The following CAMK1D variants were observed in gnomAD, a reference collection of about 807,000 sequenced individuals.
CAMK1D encodes calcium/calmodulin dependent protein kinase ID.
In CAMK1D, 9 loss-of-function variants were observed where a neutral mutation model predicts 47.7. The ratio of observed to expected loss-of-function variants is 0.19; its 90% CI spans 0.11 to 0.33. The LOEUF is 0.33. Ranked by LOEUF, CAMK1D falls within the 10% of genes least tolerant of loss-of-function variation. The pLI is 1.00. For synonymous variants in CAMK1D, 184 were observed against 184.9 expected (o/e 0.99, Z 0.04); for missense variants, 291 against 488.7 (o/e 0.60, Z 3.81).
intron 2 of CAMK1D, among the ~76,000 whole-genome samples, chr10:12,626,477 T>TTC (rs759500016): frequency 2.0e-5 from 3 of 146,422 alleles, no homozygotes; most frequent in East Asian, 4.1e-4. Flanking sequence ...CTTTCTTTCT[T>TTC]TTTTTTTTTT....
At position 12,624,338 on chromosome 10, in the gene CAMK1D, G is replaced by A. The variant is rs78023360; in HGVS notation, c.225-42398G>A. 9.5e-3 allele frequency among the ~76,000 whole-genome samples: 1,449 copies of A among 152,166 alleles called. 17 individuals are homozygous for A. Among genetic ancestry groups the A allele is most frequent in the Non-Finnish European group, 0.013 (917 of 68,000 alleles). ...GACTACAGTACAATGTTGTAAGGCC[G>A]ATCTCTAGAACTTATTCATCTCGCG... is the stretch of plus-strand genomic sequence containing the variant. On this transcript the variant is annotated intron_variant, in intron 2 of 10. Transcript: ENST00000619168.
At chr10:12,792,018 G>A (rs1838001619) in intron 6 of CAMK1D, among the ~76,000 whole-genome samples, 1 of 152,156 alleles carries the variant, frequency 6.6e-6, no homozygotes, top group Admixed American at 6.6e-5. Flanking sequence ...CCTCTAATGG[G>A]TGTGAAGTGG....
chr10:12,366,590 T>C (rs1188464398), intron 1 of CAMK1D, among the ~76,000 whole-genome samples: 1 of 148,958 alleles, frequency 6.7e-6, no homozygotes, highest in African/African-American at 2.5e-5. Flanking sequence ...ACCTAGGAGG[T>C]GGGGGTTGCA....
chr10:12,506,262 A>G (rs1834868154), intron 1 of CAMK1D, among the ~76,000 whole-genome samples: 1 of 152,010 alleles, frequency 6.6e-6, no homozygotes, highest in Non-Finnish European at 1.5e-5. Context: ...TCTACTAAAA[A>G]CACAAAAACT....
intron 3 of CAMK1D, among the ~76,000 whole-genome samples, chr10:12,708,115 A>G (rs1489648534): frequency 6.6e-6 from 1 of 152,154 alleles, no homozygotes; most frequent in Non-Finnish European, 1.5e-5. Flanking sequence ...AACACAATAC[A>G]TTTTATTTAG....
At chr10:12,611,609 T>TTTTTTTTG (rs1554796845) in intron 2 of CAMK1D, among the ~76,000 whole-genome samples, 4,129 of 124,240 alleles carry the variant, frequency 0.033, 292 homozygotes, top group African/African-American at 0.045. Flanking sequence ...TTTTTTTTTT[T>TTTTTTTTG]GAGACAGAGT....
At chr10:12,393,188 T>C (rs965886618) in intron 1 of CAMK1D, among the ~76,000 whole-genome samples, 4 of 151,970 alleles carry the variant, frequency 2.6e-5, no homozygotes, top group African/African-American at 4.8e-5. Flanking sequence ...CCCACCACCA[T>C]GCCTGGCTAA....
intron 2 of CAMK1D, among the ~76,000 whole-genome samples, chr10:12,590,982 C>T (rs1837977507): frequency 6.6e-6 from 1 of 152,288 alleles, no homozygotes; most frequent in Admixed American, 6.5e-5. Context: ...ATCTTTATGC[C>T]TCCGATTTTC....
At chr10:12,669,468 T>TA (rs1840540892) in intron 3 of CAMK1D, among the ~76,000 whole-genome samples, 1 of 152,198 alleles carries the variant, frequency 6.6e-6, no homozygotes, top group African/African-American at 2.4e-5. Context: ...AAAAATTAGA[T>TA]ATGCTAATTT....
At chr10:12,599,132 C>G (rs1452983156) in intron 2 of CAMK1D, among the ~76,000 whole-genome samples, 1 of 152,102 alleles carries the variant, frequency 6.6e-6, no homozygotes, top group African/African-American at 2.4e-5. Flanking sequence ...TAATGATCAT[C>G]ATTATTTGTT....
At chr10:12,814,127 A>C in intron 6 of CAMK1D, 68 bp from the exon 7 acceptor site, 1 of 1,030,158 alleles carries the variant, frequency 9.7e-7, no homozygotes, top group Admixed American at 1.8e-5. Flanking sequence ...TCTTCCTTCC[A>C]GGCAAAGTGT....
At chr10:12,706,713 C>T (rs1833737836) in intron 3 of CAMK1D, among the ~76,000 whole-genome samples, 1 of 150,454 alleles carries the variant, frequency 6.6e-6, no homozygotes. Flanking sequence ...TGCACTCCAG[C>T]TTGGGCAACA....
intron 1 of CAMK1D, 22 bp from the exon 2 acceptor site, chr10:12,553,202 CT>C: frequency 6.2e-7 from 1 of 1,611,488 alleles, no homozygotes; most frequent in Non-Finnish European, 8.5e-7. Context: ...TCTAAGTGTT[CT>C]TTTTTCCTTC....
chr10:12,742,818 A>G (rs1835493639), intron 3 of CAMK1D, among the ~76,000 whole-genome samples: 1 of 149,806 alleles, frequency 6.7e-6, no homozygotes, highest in Admixed American at 6.6e-5. Context: ...AGGTCGTCTA[A>G]GAATACCACA....
chr10:12,534,073 G>A (rs771982235), intron 1 of CAMK1D, among the ~76,000 whole-genome samples: 1 of 152,126 alleles, frequency 6.6e-6, no homozygotes, highest in Non-Finnish European at 1.5e-5. Flanking sequence ...CAGCTGAAAG[G>A]GAATTTTGGG....
chr10:12,380,238 G>A (rs1332585022), intron 1 of CAMK1D, among the ~76,000 whole-genome samples: 1 of 152,062 alleles, frequency 6.6e-6, no homozygotes, highest in African/African-American at 2.4e-5. Context: ...AGGCATCGCT[G>A]ATTGATTGAA....
chr10:12,556,141 C>CT (rs909603290), intron 2 of CAMK1D, among the ~76,000 whole-genome samples: 125 of 149,792 alleles, frequency 8.3e-4, no homozygotes, highest in African/African-American at 2.8e-3. Context: ...CCCGCACTGA[C>CT]TTTTTTTTTT....
At chr10:12,436,321 T>A (rs947092039) in intron 1 of CAMK1D, among the ~76,000 whole-genome samples, 1 of 152,124 alleles carries the variant, frequency 6.6e-6, no homozygotes, top group Non-Finnish European at 1.5e-5. Flanking sequence ...GTGGAGTGCC[T>A]CCTCTTCACA....
intron 1 of CAMK1D, among the ~76,000 whole-genome samples, chr10:12,497,467 C>T (rs1834575688): frequency 7.8e-6 from 1 of 127,902 alleles, no homozygotes. Flanking sequence ...CGGAGCAAGA[C>T]TCCATCTCAA....
Sources: allele counts gnomAD v4.1 joint callset (sites outside exome capture counted in the v4.1 genomes callset), GRCh38; gene constraint gnomAD v4.1.1; transcripts MANE v1.5; gene names NCBI Gene and HGNC (gene_info 2026-07-23, HGNC 2026-07-21).